The following TFAP4 variants were observed in gnomAD, a reference collection of about 807,000 sequenced individuals.
The protein encoded by TFAP4 is activating enhancer-binding protein 4.
TFAP4 carries 7 observed loss-of-function variants against 40.4 expected under a neutral mutation model. The ratio of observed to expected loss-of-function variants is 0.17; its 90% CI spans 0.10 to 0.33. The LOEUF is 0.33. TFAP4 is among the 10% of genes least tolerant of loss of function. TFAP4 has a pLI of 1.00. For missense variants in TFAP4, 374 were observed against 451.1 expected (o/e 0.83, Z 1.55); for synonymous variants, 218 against 181.4 (o/e 1.20, Z -1.62).
chr16:4,272,558 C>T lies in TFAP4; in HGVS notation c.89+100G>A, dbSNP rs1403548598. On this transcript the variant is annotated intron_variant, in intron 1 of 6. Coordinates refer to ENST00000204517, the MANE Select transcript of TFAP4 (RefSeq NM_003223.3). ...GGCAGCTAAGAAAGGCTAGCGGGGT[C>T]GGCGGCGCGGGCCATGCGTGCGCAC... 6.1e-6 allele frequency: 5 copies of T among 818,796 alleles called. No individual in the cohort carries two copies. The East Asian group carries it at 1.0e-4, about 17-fold the overall frequency. 50.7% of individuals were successfully genotyped at this position (818,796 alleles called of 1,614,324 possible).
rs746602719 is a variant in TFAP4 at position 4,260,500 on chromosome 16, C to G, written c.621G>C (p.Leu207=). The G allele has an allele frequency of 1.9e-6, 3 of 1,607,608 alleles. No homozygotes were observed. Among genetic ancestry groups the G allele is most frequent in the Non-Finnish European group, 2.5e-6 (3 of 1,177,266 alleles). The change falls in exon 5 of 7, where the codon CTG becomes CTC. Residue 207 remains leucine, a synonymous_variant. Transcript: ENST00000204517. ...LQQQQEQVRL[L]HQEKLEREQQ... is the part of the protein sequence containing the mutation. ...GTTCCCGCTCCAGCTTCTCCTGGTG[C>G]AGCAGCCTCACCTGTTCCTGCTGCT...
At position 4,260,632 on chromosome 16, in the gene TFAP4, G is replaced by A. The variant is rs371802223; in HGVS notation, c.526-37C>T. 2.3e-4 allele frequency: 356 copies of A among 1,554,272 alleles called. 2 individuals are homozygous for A. The African/African-American group carries it at 4.2e-3, about 18-fold the overall frequency. Reference sequence around the variant, plus strand: ...ACAACCTGGGCTCAGGGCCAAGGCCGGGAGCACACCCTGCCCTGTCAGTCT... The same window carrying A: ...ACAACCTGGGCTCAGGGCCAAGGCCAGGAGCACACCCTGCCCTGTCAGTCT... On this transcript the variant is annotated intron_variant, in intron 4 of 6. Coordinates refer to ENST00000204517, the MANE Select transcript of TFAP4 (RefSeq NM_003223.3).
chr16:4,266,153 C>T (rs2052993117), intron 1 of TFAP4: 1 of 152,270 alleles, frequency 6.6e-6, no homozygotes, highest in African/African-American at 2.4e-5. Context: ...ACCCCAGTCC[C>T]GAAAACCCCA....
At chr16:4,270,608 A>C (rs1428132665) in intron 1 of TFAP4, among the ~76,000 whole-genome samples, 1 of 152,216 alleles carries the variant, frequency 6.6e-6, no homozygotes, top group Non-Finnish European at 1.5e-5. Context: ...CCCTGGACGA[A>C]GGCCCTACAC....
rs776949222 is a variant in TFAP4 at position 4,261,964 on chromosome 16, G to T, written c.355-15C>A. 1.3e-6 allele frequency: 2 copies of T among 1,590,552 alleles called. No homozygotes were observed. Among genetic ancestry groups the T allele is most frequent in the East Asian group, 2.2e-5 (1 of 44,652 alleles). On this transcript the variant is annotated splice_polypyrimidine_tract_variant and intron_variant, in intron 3 of 6. Coordinates refer to ENST00000204517, the MANE Select transcript of TFAP4 (RefSeq NM_003223.3). ...CCGCTCAGCTCCTGGGGACCCCAAG[G>T]AGTCGGTCAGTGTGCCTGACACCTC...
chr16:4,266,695 T>C (rs962803010), intron 1 of TFAP4: 1 of 152,186 alleles, frequency 6.6e-6, no homozygotes, highest in African/African-American at 2.4e-5. Context: ...ATAAAGTGGA[T>C]TTTTCTGCAA....
At chr16:4,269,000 G>C (rs1409551428) in intron 1 of TFAP4, among the ~76,000 whole-genome samples, 1 of 151,682 alleles carries the variant, frequency 6.6e-6, no homozygotes, top group Non-Finnish European at 1.5e-5. Flanking sequence ...CCATCCTCCT[G>C]CCTCAGCCTC....
At chr16:4,271,493 C>G (rs2053040234) in intron 1 of TFAP4, among the ~76,000 whole-genome samples, 1 of 152,226 alleles carries the variant, frequency 6.6e-6, no homozygotes, top group Non-Finnish European at 1.5e-5. Context: ...TGCAGATGTC[C>G]GGGCCCCAGC....
intron 6 of TFAP4, 150 bp from the exon 7 acceptor site, chr16:4,258,399 C>G: frequency 1.5e-6 from 1 of 669,984 alleles, no homozygotes; most frequent in East Asian, 2.9e-5. Context: ...CGCTAGAGTA[C>G]AGGAAAAACA....
At chr16:4,270,176 CAA>C (rs548015250) in intron 1 of TFAP4, among the ~76,000 whole-genome samples, 22 of 142,508 alleles carry the variant, frequency 1.5e-4, no homozygotes, top group African/African-American at 2.6e-4. Context: ...GACTCCGTCT[CAA>C]AAAAAAAAAG....
intron 3 of TFAP4, 142 bp downstream of exon 3, chr16:4,262,182 G>C (rs145661547): frequency 9.5e-7 from 1 of 1,053,470 alleles, no homozygotes; most frequent in Admixed American, 2.0e-5. Flanking sequence ...GGGAAACTGA[G>C]GCCGGGGCAG....
chr16:4,260,329 T>C (rs561781259), intron 5 of TFAP4, 84 bp from the exon 6 acceptor site: 1 of 1,507,438 alleles, frequency 6.6e-7, no homozygotes, highest in East Asian at 2.3e-5. Context: ...GGCCAATGTA[T>C]AACTGCCTCT....
rs758653095 is a variant in TFAP4 at position 4,272,784 on chromosome 16, G to C, written c.-38C>G. 1 of 1,592,356 alleles carries C rather than the reference G, an allele frequency of 6.3e-7. No individual in the cohort carries two copies. The highest frequency in any genetic ancestry group is 1.1e-5 in the South Asian group (1 of 90,138). ...CCCTCCTCTGCACGAGCCAGGTCCC[G>C]CGATCAGCCGGAGAATGCAAGATGG... On this transcript the variant is annotated 5_prime_UTR_variant, in exon 1 of 7. Coordinates refer to ENST00000204517, the MANE Select transcript of TFAP4 (RefSeq NM_003223.3).
chr16:4,257,979 A>G lies in TFAP4; in HGVS notation c.*76T>C, dbSNP rs946901633. 9.2e-6 allele frequency: 13 copies of G among 1,416,700 alleles called. No homozygotes were observed. The highest frequency in any genetic ancestry group is 2.5e-5 in the East Asian group (1 of 40,590). 87.8% of individuals were successfully genotyped at this position (1,416,700 alleles called of 1,614,324 possible). A position where few individuals can be genotyped will look rare whatever the true frequency, so the allele number is the denominator to read the frequency against. On this transcript the variant is annotated 3_prime_UTR_variant, in exon 7 of 7. Transcript: ENST00000204517. ...GTAATTTTGTAAAAATTTCTCACTC[A>G]TTCGCCCATGTCTCTCCCTGTGGCT...
In TFAP4 at chr16:4,260,071, C is replaced by T; in HGVS notation, c.822+19G>A. On this transcript the variant is annotated intron_variant, in intron 6 of 6. Coordinates refer to ENST00000204517, the MANE Select transcript of TFAP4 (RefSeq NM_003223.3). ...GGAGTATGACCCCCACAAGCTGCCC[C>T]TTTCTCAAGCTCAGGTACCTGCACG... 1.9e-6 allele frequency: 3 copies of T among 1,604,824 alleles called. No homozygotes were observed. Among genetic ancestry groups the T allele is most frequent in the Non-Finnish European group, 1.7e-6 (2 of 1,176,748 alleles).
At position 4,261,813 on chromosome 16, in the gene TFAP4, T is replaced by C. The variant is rs1228400111; in HGVS notation, c.491A>G (p.Lys164Arg). 2 of 1,612,468 alleles carry C rather than the reference T, an allele frequency of 1.2e-6. No homozygotes were observed. Among genetic ancestry groups the C allele is most frequent in the East Asian group, 2.2e-5 (1 of 44,860 alleles). ...EMIELRQQLDKERSVRMMLEE... is the reference protein window; with the variant it reads ...EMIELRQQLDRERSVRMMLEE... ...CAGCATCATGCGCACCGAGCGCTCC[T>C]TGTCCAGCTGCTGCCGCAGCTCAAT... Residue 164 changes from lysine (K) to arginine (R), a missense_variant, in exon 4 of 7, where the codon AAG becomes AGG. Transcript: ENST00000204517.
intron 1 of TFAP4, chr16:4,263,069 G>A (rs969043635): frequency 4.0e-6 from 1 of 252,864 alleles, no homozygotes; most frequent in African/African-American, 2.3e-5. Context: ...CTACTCAGGA[G>A]GCTGAAGTGG....
In TFAP4 at chr16:4,261,349, G is replaced by A. The variant is rs141050705; in HGVS notation, c.525+430C>T. Among the ~76,000 whole-genome samples, 788 of 151,324 alleles carry A rather than the reference G, an allele frequency of 5.2e-3. 8 individuals are homozygous for A. The highest frequency in any genetic ancestry group is 0.017 in the African/African-American group (715 of 41,188). On this transcript the variant is annotated intron_variant, in intron 4 of 6. Transcript: ENST00000204517. ...GACTGGAGTGCAGTGGCACGATCTC[G>A]GCTCACTGCAAGCTCTGCCTCCCAG... is the stretch of plus-strand genomic sequence containing the variant.
Position 4,258,260 on chromosome 16 carries a change from AC to A in TFAP4, c.823-12del. The A allele has an allele frequency of 3.2e-6, 5 of 1,566,124 alleles. No homozygotes were observed. The highest frequency in any genetic ancestry group is 4.3e-6 in the Non-Finnish European group (5 of 1,152,812). ...GATGTGCTGGATTGCCTGGACAGGG[AC>A]GAACCACTGAGAAGGCTCGGCCGGG... On this transcript the variant is annotated splice_polypyrimidine_tract_variant and intron_variant, in intron 6 of 6. Coordinates refer to ENST00000204517, the MANE Select transcript of TFAP4 (RefSeq NM_003223.3).
Sources: gnomAD v4.1 joint callset for allele counts (sites outside exome capture counted in the v4.1 genomes callset) on GRCh38, gnomAD v4.1.1 for gene constraint, MANE v1.5 for transcripts, NCBI Gene and HGNC (gene_info 2026-07-23, HGNC 2026-07-21) for gene names.